Variants in CCDC3 observed in about 807,000 individuals in gnomAD.
CCDC3 encodes the protein coiled-coil domain-containing protein 3.
Under a neutral mutation model 21.4 loss-of-function variants are expected in CCDC3, and 24 were observed. The observed-to-expected ratio is 1.12, with a 90% CI of 0.81 to 1.58. The LOEUF (loss-of-function observed/expected upper bound fraction) is 1.58. Among genes scored for constraint, CCDC3 ranks in the 40% most tolerant of loss-of-function variants. The pLI, the probability that CCDC3 is intolerant of heterozygous loss-of-function variation, is 0.00. For synonymous variants in CCDC3, 186 were observed against 166.0 expected, an observed-to-expected ratio of 1.12 and a Z score of -0.93; for missense variants, 425 against 360.9, an observed-to-expected ratio of 1.18 and a Z score of -1.44.
chr10:13,025,200 G>C (rs540503529), intron 5 of CCDC3, among the ~76,000 whole-genome samples: 41 of 152,174 alleles, frequency 2.7e-4, no homozygotes, highest in Non-Finnish European at 1.5e-5. Flanking sequence ...AATTGGTACT[G>C]GATGCTGGTT....
chr10:13,063,087 G>T (rs1588411711), intron 4 of CCDC3, among the ~76,000 whole-genome samples: 1 of 22,226 alleles, frequency 4.5e-5, no homozygotes, highest in East Asian at 1.1e-3. Flanking sequence ...AGCACTCCTG[G>T]CTCACTGGCT....
intron 2 of CCDC3, among the ~76,000 whole-genome samples, chr10:12,996,252 G>A (rs942576249): frequency 3.3e-5 from 5 of 152,148 alleles, no homozygotes; most frequent in South Asian, 2.1e-4. Context: ...CATGAGAAGC[G>A]TTCAGAAAGT....
chr10:13,002,623 T>A (rs1835873578), upstream of CCDC3, among the ~76,000 whole-genome samples: 1 of 152,120 alleles, frequency 6.6e-6, no homozygotes, highest in Non-Finnish European at 1.5e-5. Context: ...CAATCGATCC[T>A]CCCACCTCAG....
chr10:12,945,796 T>A (rs1309093676), intron 2 of CCDC3, among the ~76,000 whole-genome samples: 1 of 152,180 alleles, frequency 6.6e-6, no homozygotes, highest in Non-Finnish European at 1.5e-5. Flanking sequence ...AGAACTAAGG[T>A]TTTTCTATAA....
intron 5 of CCDC3, among the ~76,000 whole-genome samples, chr10:13,036,865 G>T (rs981431314): frequency 6.7e-6 from 1 of 149,302 alleles, no homozygotes; most frequent in Non-Finnish European, 1.5e-5. Context: ...TTGCAGCCTC[G>T]ACTTCCCAGG....
intron 5 of CCDC3, among the ~76,000 whole-genome samples, chr10:13,014,123 C>T (rs1836019280): frequency 6.6e-6 from 1 of 151,602 alleles, no homozygotes. Flanking sequence ...TGCACTCCAG[C>T]CTGGGTGACA....
chr10:12,989,433 A>T (rs1489629301), intron 2 of CCDC3, among the ~76,000 whole-genome samples: 1 of 151,996 alleles, frequency 6.6e-6, no homozygotes, highest in Non-Finnish European at 1.5e-5. Flanking sequence ...CATTTTACTT[A>T]CTTATTTAGA....
intron 5 of CCDC3, among the ~76,000 whole-genome samples, chr10:13,007,179 C>T (rs548318419): frequency 1.7e-4 from 26 of 152,200 alleles, no homozygotes; most frequent in African/African-American, 6.0e-4. Context: ...TCATTGCTGT[C>T]GTGAAGGAAA....
rs544522904 is a variant in CCDC3 at position 12,948,377 on chromosome 10, T to G, written c.550-49698A>C. The stretch of plus-strand genomic sequence containing the variant: ...AATACAGCCCATATACTAAACTGAC[T>G]CAGGATATGGAGGAGACCAGGGCCT... On this transcript the variant is annotated intron_variant, in intron 2 of 2. Transcript: ENST00000378825. Among the ~76,000 whole-genome samples, 12 of 152,100 alleles carry G rather than the reference T, an allele frequency of 7.9e-5. No homozygotes were observed. The South Asian group carries it at 2.5e-3, about 32-fold the overall frequency.
At chr10:13,055,707 C>T (rs779633265) in intron 4 of CCDC3, among the ~76,000 whole-genome samples, 8 of 152,178 alleles carry the variant, frequency 5.3e-5, no homozygotes, top group Non-Finnish European at 8.8e-5. Flanking sequence ...GTTCTTATTA[C>T]GGTACCTTTA....
intron 2 of CCDC3, among the ~76,000 whole-genome samples, chr10:12,982,508 A>T (rs1391510376): frequency 6.6e-6 from 1 of 152,000 alleles, no homozygotes; most frequent in East Asian, 1.9e-4. Context: ...TTAAAAAAAA[A>T]ATCGGCCGGG....
At chr10:12,967,267 T>TA (rs1835275377) in intron 2 of CCDC3, among the ~76,000 whole-genome samples, 1 of 152,208 alleles carries the variant, frequency 6.6e-6, no homozygotes, top group Non-Finnish European at 1.5e-5. Context: ...GACATCAGCA[T>TA]AAGGTAATGA....
intron 5 of CCDC3, among the ~76,000 whole-genome samples, chr10:13,040,889 A>C (rs961457648): frequency 6.6e-6 from 1 of 152,174 alleles, no homozygotes; most frequent in African/African-American, 2.4e-5. Context: ...GTATGCACTA[A>C]GTGGATGCAA....
chr10:13,078,556 C>T (rs1372518160), intron 3 of CCDC3, among the ~76,000 whole-genome samples: 1 of 152,190 alleles, frequency 6.6e-6, no homozygotes, highest in Non-Finnish European at 1.5e-5. Context: ...AAGACACATG[C>T]ACACATATGT....
chr10:12,918,722 G>C (rs1834398109), intron 2 of CCDC3, among the ~76,000 whole-genome samples: 1 of 152,126 alleles, frequency 6.6e-6, no homozygotes, highest in African/African-American at 2.4e-5. Flanking sequence ...AGATGGAAGG[G>C]GGAAGGCTTC....
At chr10:13,093,263 AAG>A (rs1343513589) in intron 3 of CCDC3, among the ~76,000 whole-genome samples, 2 of 152,214 alleles carry the variant, frequency 1.3e-5, no homozygotes, top group Non-Finnish European at 2.9e-5. Flanking sequence ...GGCGGCAGGC[AAG>A]AGAGAGAATG....
chr10:13,060,848 A>G (rs1659840), intron 4 of CCDC3, among the ~76,000 whole-genome samples: 112,119 of 152,018 alleles, frequency 0.74, 41,504 homozygotes, highest in Admixed American at 0.79. Flanking sequence ...GGGTTACTGG[A>G]TTTGACAATA....
At chr10:13,056,037 G>A (rs1836676568) in intron 4 of CCDC3, among the ~76,000 whole-genome samples, 1 of 152,172 alleles carries the variant, frequency 6.6e-6, no homozygotes, top group Admixed American at 6.5e-5. Flanking sequence ...AGGACATTAG[G>A]GTTTCATCAG....
intron 2 of CCDC3, among the ~76,000 whole-genome samples, chr10:12,946,026 T>G (rs1481235479): frequency 1.3e-5 from 2 of 152,212 alleles, no homozygotes. Context: ...TTTCAGTCTG[T>G]TAGTACTATC....
Sources: allele counts gnomAD v4.1 joint callset (sites outside exome capture counted in the v4.1 genomes callset), GRCh38; gene constraint gnomAD v4.1.1; transcripts MANE v1.5; gene names NCBI Gene and HGNC (gene_info 2026-07-23, HGNC 2026-07-21).